ANO3: variants seen among roughly 807,000 people sequenced by gnomAD.
ANO3 encodes the protein anoctamin 3.
In ANO3, 99 loss-of-function variants were observed where a neutral mutation model predicts 144.8. That is an observed-to-expected ratio of 0.68 (90% CI 0.58 to 0.81). ANO3 has a LOEUF of 0.81. Ranked by LOEUF, ANO3 falls within the 30% of genes least tolerant of loss-of-function variation. ANO3 has a pLI of 0.00. For synonymous variants in ANO3, 414 were observed against 392.6 expected (o/e 1.05, Z -0.64); for missense variants, 905 against 1,202.2 (o/e 0.75, Z 3.66).
intron 3 of ANO3, among the ~76,000 whole-genome samples, chr11:26,456,906 T>A (rs556632619): frequency 1.8e-4 from 27 of 148,958 alleles, no homozygotes; most frequent in African/African-American, 6.0e-4. Flanking sequence ...TAAAAAATGA[T>A]GAGTTCATGT....
At chr11:26,362,994 A>AT (rs2133927125) in intron 1 of ANO3, among the ~76,000 whole-genome samples, 1 of 152,282 alleles carries the variant, frequency 6.6e-6, no homozygotes, top group Non-Finnish European at 1.5e-5. Context: ...ATATAACTGG[A>AT]TATTTATCCT....
intron 26 of ANO3, among the ~76,000 whole-genome samples, chr11:26,657,884 A>C (rs1347411887): frequency 6.6e-6 from 1 of 152,164 alleles, no homozygotes; most frequent in Non-Finnish European, 1.5e-5. Context: ...TCAGGTGGAT[A>C]GTTTGGAAAT....
In ANO3 at chr11:26,516,250, T is replaced by G. The variant is rs557124221; in HGVS notation, c.592-577T>G. 1.1e-4 allele frequency among the ~76,000 whole-genome samples: 17 copies of G among 151,814 alleles called. No individual in the cohort carries two copies. The South Asian group carries it at 3.3e-3, about 30-fold the overall frequency. ...CTAGTCAAAGACACTTTAGTTCTTA[T>G]TTGTTGATACAAGTAAAACTGGATG... On this transcript the variant is annotated intron_variant, in intron 5 of 26. Coordinates refer to ENST00000256737, the MANE Select transcript of ANO3 (RefSeq NM_031418.4).
chr11:26,471,037 G>A (rs993911983), intron 4 of ANO3, among the ~76,000 whole-genome samples: 1 of 151,942 alleles, frequency 6.6e-6, no homozygotes, highest in African/African-American at 2.4e-5. Flanking sequence ...TGCACCAGAA[G>A]CTGTGGTAAG....
intron 1 of ANO3, among the ~76,000 whole-genome samples, chr11:26,259,903 G>A (rs1370933745): frequency 6.6e-6 from 1 of 152,038 alleles, no homozygotes; most frequent in Non-Finnish European, 1.5e-5. Context: ...GTCCCTCATG[G>A]CTAACACGTT....
intron 1 of ANO3, among the ~76,000 whole-genome samples, chr11:26,279,685 G>A (rs932485626): frequency 4.4e-4 from 67 of 152,136 alleles, no homozygotes; most frequent in African/African-American, 1.6e-3. Context: ...TGCAAGTGGG[G>A]TCTCCCAGGG....
intron 1 of ANO3, among the ~76,000 whole-genome samples, chr11:26,397,008 CA>C (rs1421068938): frequency 8.1e-6 from 1 of 123,080 alleles, no homozygotes; most frequent in African/African-American, 2.8e-5. Flanking sequence ...AAAACAAAAA[CA>C]AAAAAATAAA....
intron 14 of ANO3, among the ~76,000 whole-genome samples, chr11:26,568,347 C>G (rs376496126): frequency 2.0e-5 from 3 of 151,872 alleles, no homozygotes; most frequent in Admixed American, 6.6e-5. Context: ...ACTGAGAGAT[C>G]GGATTTGGAT....
At chr11:26,433,092 T>G (rs1269818820) in intron 1 of ANO3, among the ~76,000 whole-genome samples, 2 of 152,150 alleles carry the variant, frequency 1.3e-5, no homozygotes, top group Admixed American at 1.3e-4. Context: ...GTTTGGTAAT[T>G]CTCGATGTAG....
chr11:26,659,459 C>T (rs932078060), intron 26 of ANO3, among the ~76,000 whole-genome samples: 1 of 151,672 alleles, frequency 6.6e-6, no homozygotes, highest in African/African-American at 2.4e-5. Context: ...TTTGGGAGGC[C>T]AAGGTGGGAG....
At chr11:26,279,811 C>T (rs1433713997) in intron 1 of ANO3, among the ~76,000 whole-genome samples, 1 of 152,098 alleles carries the variant, frequency 6.6e-6, no homozygotes, top group Non-Finnish European at 1.5e-5. Context: ...TGATTGTAGG[C>T]TGTTTTATTT....
At chr11:26,592,053 G>A (rs1022695872) in intron 14 of ANO3, among the ~76,000 whole-genome samples, 7 of 152,144 alleles carry the variant, frequency 4.6e-5, no homozygotes, top group Admixed American at 1.3e-4. Context: ...CAGGTTCCCT[G>A]TAATGTTTTA....
At chr11:26,624,664 CAATAGAGAGACAATGCATGT>C (rs1467768287) in intron 18 of ANO3, among the ~76,000 whole-genome samples, 166 bp downstream of exon 18, 1 of 152,106 alleles carries the variant, frequency 6.6e-6, no homozygotes, top group Non-Finnish European at 1.5e-5. Flanking sequence ...TATTGAATAA[CAATAGAGAGACAATGCATGT>C]AGTTACAAAA....
intron 4 of ANO3, among the ~76,000 whole-genome samples, chr11:26,480,507 A>C (rs141550030): frequency 2.3e-3 from 357 of 152,230 alleles, no homozygotes; most frequent in African/African-American, 8.3e-3. Context: ...GAAAAATATA[A>C]AGGAATTCCA....
intron 11 of ANO3, among the ~76,000 whole-genome samples, chr11:26,545,874 C>T (rs912133696): frequency 7.7e-6 from 1 of 130,170 alleles, no homozygotes; most frequent in Non-Finnish European, 1.7e-5. Flanking sequence ...GGACATTTTT[C>T]ATTAGCCTCT....
chr11:26,230,454 A>G (rs1852366321), intron 1 of ANO3, among the ~76,000 whole-genome samples: 1 of 152,136 alleles, frequency 6.6e-6, no homozygotes, highest in African/African-American at 2.4e-5. Context: ...TTCATATTTC[A>G]TTGGTTAATT....
In ANO3 at chr11:26,237,686, T is replaced by C. The variant is rs553838131; in HGVS notation, c.154+48356T>C. On this transcript the variant is annotated intron_variant, in intron 1 of 27. Transcript: ENST00000672621. ...TGAAGAACATTATTCCTTGACTCTT[T>C]CAGGGTAGGTAAAAATTTCTAAAGT... Among the ~76,000 whole-genome samples, 12 of 152,172 alleles carry C rather than the reference T, an allele frequency of 7.9e-5. 1 individual carries two copies. The highest frequency in any genetic ancestry group is 7.9e-4 in the Admixed American group (12 of 15,278).
At chr11:26,603,800 T>C (rs1851863473) in intron 17 of ANO3, among the ~76,000 whole-genome samples, 1 of 152,168 alleles carries the variant, frequency 6.6e-6, no homozygotes, top group Non-Finnish European at 1.5e-5. Context: ...GATTTGTATT[T>C]GTTCACCTAG....
intron 1 of ANO3, among the ~76,000 whole-genome samples, chr11:26,366,491 A>G (rs1262624530): frequency 4.6e-5 from 7 of 152,128 alleles, no homozygotes; most frequent in Admixed American, 3.3e-4. Context: ...CTGGGTATAT[A>G]CCTAGTAATG....
Sources: allele counts gnomAD v4.1 joint callset (sites outside exome capture counted in the v4.1 genomes callset), GRCh38; gene constraint gnomAD v4.1.1; transcripts MANE v1.5; gene names NCBI Gene and HGNC (gene_info 2026-07-23, HGNC 2026-07-21).